Variants in CDC42BPB observed in about 807,000 individuals in gnomAD.
CDC42BPB encodes serine/threonine-protein kinase MRCK beta.
A neutral mutation model predicts 214.9 loss-of-function variants in CDC42BPB; 37 were observed. That is an observed-to-expected ratio of 0.17 (90% CI 0.13 to 0.23). The LOEUF (loss-of-function observed/expected upper bound fraction) is 0.23, where lower values mean the gene tolerates loss of function less well. CDC42BPB is among the 10% of genes least tolerant of loss of function. CDC42BPB has a pLI of 1.00. For synonymous variants in CDC42BPB, 931 were observed against 884.0 expected, an observed-to-expected ratio of 1.05 and a Z score of -0.94; for missense variants, 1,694 against 2,227.0, an observed-to-expected ratio of 0.76 and a Z score of 4.82.
At position 103,056,916 on chromosome 14, in the gene CDC42BPB, G is replaced by A. The variant is rs1889013357; in HGVS notation, c.175+83C>T. On this transcript the variant is annotated intron_variant, in intron 1 of 36. Coordinates refer to ENST00000361246, the MANE Select transcript of CDC42BPB (RefSeq NM_006035.4). ...GGAGGGCGGCAGGGTCTGTCCGGGC[G>A]GGGATGGGCGGGCGTGGGGATGCGC... The A allele has an allele frequency of 5.0e-6, 5 of 1,006,900 alleles. 1 individual carries two copies. The South Asian group carries it at 6.3e-5, about 13-fold the overall frequency. The allele number at this position is 1,006,900 out of a possible 1,614,324, so 62.4% of individuals were successfully genotyped here. A position where few individuals can be genotyped will look rare whatever the true frequency, so the allele number is the denominator to read the frequency against.
At chr14:103,051,657 T>C (rs543976606) in intron 1 of CDC42BPB, among the ~76,000 whole-genome samples, 5 of 152,364 alleles carry the variant, frequency 3.3e-5, no homozygotes, top group African/African-American at 1.2e-4. Flanking sequence ...AGTTCTGTAA[T>C]TTACATGCAT....
intron 12 of CDC42BPB, among the ~76,000 whole-genome samples, chr14:102,973,002 A>T (rs1466886925): frequency 1.3e-5 from 2 of 152,094 alleles, no homozygotes; most frequent in Non-Finnish European, 2.9e-5. Flanking sequence ...ACTGGCTGTC[A>T]CTCTGCACTC....
At chr14:103,031,923 T>G (rs75461273) in intron 1 of CDC42BPB, among the ~76,000 whole-genome samples, 3,835 of 152,198 alleles carry the variant, frequency 0.025, 171 homozygotes, top group African/African-American at 0.088. Context: ...TCCTCACTAA[T>G]TGTCAACTCC....
chr14:103,004,135 C>A lies in CDC42BPB; in HGVS notation c.352-112G>T, dbSNP rs1291629950. On this transcript the variant is annotated intron_variant, in intron 3 of 36. Coordinates refer to ENST00000361246, the MANE Select transcript of CDC42BPB (RefSeq NM_006035.4). The surrounding 1 kb of genome is among the most constrained non-coding windows in gnomAD (Gnocchi z 5.3). The stretch of plus-strand genomic sequence containing the variant: ...AGTGGCTCCAGCCACGGTGTCCCTG[C>A]CTTCCGGGCTCCTCCTCGTGCACCA... 8 of 1,410,650 alleles carry A rather than the reference C, an allele frequency of 5.7e-6. No homozygotes were observed. Among genetic ancestry groups the A allele is most frequent in the South Asian group, 1.5e-5 (1 of 66,320 alleles). The allele number at this position is 1,410,650 out of a possible 1,614,324, so 87.4% of individuals were successfully genotyped here.
At chr14:103,007,841 G>A (rs1222961980) in intron 3 of CDC42BPB, among the ~76,000 whole-genome samples, 1 of 152,186 alleles carries the variant, frequency 6.6e-6, no homozygotes, top group Non-Finnish European at 1.5e-5. Flanking sequence ...CTGAGTGCAG[G>A]GGAGGGGAAG....
intron 1 of CDC42BPB, among the ~76,000 whole-genome samples, chr14:103,023,137 C>T (rs553644900): frequency 3.6e-4 from 54 of 150,996 alleles, no homozygotes; most frequent in African/African-American, 1.3e-3. Flanking sequence ...TCCCGAGTAG[C>T]AGACTACAGG....
In CDC42BPB at chr14:102,969,935, T is replaced by TA. The variant is rs1267138311; in HGVS notation, c.1995+215dup. ...CTGTGAATTGCCTGAAACTTTTATA[T>TA]AACAAAGGAAAAACATGAACTTGGC... On this transcript the variant is annotated intron_variant, in intron 14 of 36. Transcript: ENST00000361246. 2.0e-5 allele frequency among the ~76,000 whole-genome samples: 3 copies of TA among 152,330 alleles called. No homozygotes were observed. The East Asian group carries it at 5.8e-4, about 29-fold the overall frequency.
intron 8 of CDC42BPB, among the ~76,000 whole-genome samples, chr14:102,979,873 C>T (rs1435838697): frequency 1.3e-5 from 2 of 152,120 alleles, no homozygotes; most frequent in Admixed American, 6.6e-5. Flanking sequence ...GACTGGAACA[C>T]CAAACAAGTC....
intron 1 of CDC42BPB, among the ~76,000 whole-genome samples, chr14:103,014,277 C>CG (rs1286159496): frequency 1.4e-4 from 22 of 152,112 alleles, no homozygotes; most frequent in Non-Finnish European, 2.2e-4. Context: ...GACTCCAGAC[C>CG]AGCTCGTGCC....
rs776505275 is a variant in CDC42BPB at position 102,971,998 on chromosome 14, T to C, written c.1805A>G (p.Glu602Gly). 1.2e-5 allele frequency: 19 copies of C among 1,614,208 alleles called. No individual in the cohort carries two copies. The highest frequency in any genetic ancestry group is 1.6e-4 in the Middle Eastern group (1 of 6,062). Residue 602 changes from glutamate to glycine, a missense_variant, in exon 13 of 37, where the codon GAG becomes GGG. Glu to Gly is a moderately conservative substitution (Grantham distance 98). This residue lies in a region of CDC42BPB where 462 missense variants were observed against 513.5 expected (regional missense o/e 0.90). Transcript: ENST00000361246. Reference sequence around the variant, plus strand: ...CTGCGTGGCCACCTCCATCTCCTCCTCCTTGTCTCGCAGCTGCCGGGACAC... The same window carrying C: ...CTGCGTGGCCACCTCCATCTCCTCCCCCTTGTCTCGCAGCTGCCGGGACAC... ...QKVSRQLRDKEEEMEVATQKV... is the reference protein window; with the variant it reads ...QKVSRQLRDKGEEMEVATQKV...
chr14:102,960,758 G>C, intron 20 of CDC42BPB, among the ~76,000 whole-genome samples: 1 of 152,164 alleles, frequency 6.6e-6, no homozygotes, highest in East Asian at 1.9e-4. Flanking sequence ...AGGAAAAATA[G>C]CTTAATAACT....
chr14:102,994,592 G>A (rs908344096), intron 5 of CDC42BPB, among the ~76,000 whole-genome samples: 2 of 152,186 alleles, frequency 1.3e-5, no homozygotes, highest in Admixed American at 6.5e-5. Context: ...GAGCAGCGGC[G>A]TCTTCAGGGG....
At chr14:102,965,054 T>C (rs899496770) in intron 18 of CDC42BPB, among the ~76,000 whole-genome samples, 13 of 152,104 alleles carry the variant, frequency 8.5e-5, no homozygotes, top group African/African-American at 3.1e-4. Context: ...GCCTCTCCAG[T>C]AGCCAGTAGC....
intron 1 of CDC42BPB, among the ~76,000 whole-genome samples, chr14:103,044,581 G>A: frequency 6.6e-6 from 1 of 151,932 alleles, no homozygotes; most frequent in Non-Finnish European, 1.5e-5. Flanking sequence ...AACTTGGCCA[G>A]GATGGTCTCG....
chr14:103,002,511 T>G (rs940186808), intron 4 of CDC42BPB, among the ~76,000 whole-genome samples: 2 of 152,232 alleles, frequency 1.3e-5, no homozygotes, highest in African/African-American at 4.8e-5. Flanking sequence ...AGATCCCAGT[T>G]GCCTGTACTC....
chr14:102,980,219 G>A (rs1566877791), intron 8 of CDC42BPB, among the ~76,000 whole-genome samples: 1 of 152,218 alleles, frequency 6.6e-6, no homozygotes, highest in East Asian at 1.9e-4. Flanking sequence ...AGTAGGCTGG[G>A]CGCGATGGCT....
intron 25 of CDC42BPB, chr14:102,950,163 A>G: frequency 1.1e-6 from 1 of 924,554 alleles, no homozygotes; most frequent in Non-Finnish European, 1.3e-6. Context: ...GCAGCCCGAC[A>G]GTCTCGTAGA....
At chr14:102,936,022 A>G (rs1891633680) in intron 36 of CDC42BPB, among the ~76,000 whole-genome samples, 1 of 152,230 alleles carries the variant, frequency 6.6e-6, no homozygotes, top group Admixed American at 6.5e-5. Context: ...ATAAGTCTTT[A>G]GAGAATGCAA....
At chr14:103,041,763 A>G in intron 1 of CDC42BPB, 1 of 506,938 alleles carries the variant, frequency 2.0e-6, no homozygotes, top group Non-Finnish European at 3.7e-6. Context: ...CTGTGGATCC[A>G]AGGAGGCAGT....
Sources: allele counts gnomAD v4.1 joint callset (sites outside exome capture counted in the v4.1 genomes callset), GRCh38; gene constraint gnomAD v4.1.1; regional missense constraint gnomAD v4.1.1; non-coding constraint Gnocchi (gnomAD v3.1); transcripts MANE v1.5; gene names NCBI Gene and HGNC (gene_info 2026-07-23, HGNC 2026-07-21).